The following MAF variants were observed in gnomAD, a reference collection of about 807,000 sequenced individuals.
MAF encodes transcription factor Maf.
MAF carries 10 observed loss-of-function variants against 22.0 expected under a neutral mutation model. That is an observed-to-expected ratio of 0.45 (90% CI 0.28 to 0.77). The LOEUF (loss-of-function observed/expected upper bound fraction) is 0.77. MAF is among the 30% of genes least tolerant of loss of function. The probability of loss-of-function intolerance (pLI) is 0.12; values close to 1 mark genes in which losing one functional copy is unlikely to be tolerated. For synonymous variants in MAF, 337 were observed against 255.8 expected, an observed-to-expected ratio of 1.32 and a Z score of -3.03; for missense variants, 544 against 548.4, an observed-to-expected ratio of 0.99 and a Z score of 0.08.
the MAF span, among the ~76,000 whole-genome samples, chr16:79,433,961 T>C: frequency 6.6e-6 from 1 of 152,166 alleles, no homozygotes; most frequent in Non-Finnish European, 1.5e-5. Flanking sequence ...TCCCTTTTCT[T>C]CTTCTACCAG....
At chr16:79,346,181 C>G in the MAF span, among the ~76,000 whole-genome samples, 2 of 139,514 alleles carry the variant, frequency 1.4e-5, no homozygotes, top group Non-Finnish European at 3.1e-5. Context: ...CTCCCCGCTC[C>G]CCCCACCCCA....
At chr16:79,483,383 G>A in the MAF span, among the ~76,000 whole-genome samples, 1 of 149,568 alleles carries the variant, frequency 6.7e-6, no homozygotes, top group South Asian at 2.2e-4. Flanking sequence ...GAACAGGACA[G>A]CAAAGGAAAG....
chr16:79,371,777 G>T, the MAF span, among the ~76,000 whole-genome samples: 1 of 152,222 alleles, frequency 6.6e-6, no homozygotes, highest in African/African-American at 2.4e-5. Context: ...GTTCAGACTA[G>T]AATGTTCTAA....
chr16:79,207,149 C>A, the MAF span, among the ~76,000 whole-genome samples: 1 of 152,304 alleles, frequency 6.6e-6, no homozygotes, highest in Non-Finnish European at 1.5e-5. Flanking sequence ...GGGCTCACCC[C>A]CTCATCTCCA....
chr16:79,319,251 C>A, the MAF span, among the ~76,000 whole-genome samples: 4 of 152,208 alleles, frequency 2.6e-5, no homozygotes, highest in East Asian at 1.9e-4. Context: ...ACTAAGCCCT[C>A]GAGAAAGAAA....
the MAF span, among the ~76,000 whole-genome samples, chr16:79,562,303 G>T: frequency 1.3e-5 from 2 of 152,132 alleles, no homozygotes; most frequent in African/African-American, 4.8e-5. Flanking sequence ...CATGGACAAG[G>T]TTTGTTTTGT....
chr16:79,488,093 C>T, the MAF span, among the ~76,000 whole-genome samples: 1 of 152,170 alleles, frequency 6.6e-6, no homozygotes, highest in African/African-American at 2.4e-5. Flanking sequence ...CCCTGGAGAC[C>T]TGGAGTGACG....
the MAF span, among the ~76,000 whole-genome samples, chr16:79,333,034 C>T: frequency 1.2e-4 from 18 of 152,324 alleles, no homozygotes; most frequent in African/African-American, 4.3e-4. Context: ...TCCCCCAGTG[C>T]TAGGTGGATG....
At chr16:79,467,587 G>A in the MAF span, among the ~76,000 whole-genome samples, 4 of 152,160 alleles carry the variant, frequency 2.6e-5, no homozygotes, top group Non-Finnish European at 5.9e-5. Context: ...CTCCAAGTCA[G>A]TGGTTCTCAG....
the MAF span, among the ~76,000 whole-genome samples, chr16:79,519,504 G>A: frequency 1.2e-4 from 19 of 152,178 alleles, no homozygotes; most frequent in East Asian, 1.3e-3. Flanking sequence ...CTTCAAGCAC[G>A]AAGCAGCATG....
At chr16:79,419,773 C>G in the MAF span, among the ~76,000 whole-genome samples, 2 of 152,170 alleles carry the variant, frequency 1.3e-5, no homozygotes, top group African/African-American at 4.8e-5. Flanking sequence ...TATACCTAAT[C>G]AAGAGTGCAG....
the MAF span, among the ~76,000 whole-genome samples, chr16:79,353,849 T>C: frequency 6.6e-6 from 1 of 152,194 alleles, no homozygotes; most frequent in Non-Finnish European, 1.5e-5. Flanking sequence ...TGGATGGGAA[T>C]GATCATCGTT....
At chr16:79,578,452 C>G in the MAF span, among the ~76,000 whole-genome samples, 2 of 151,994 alleles carry the variant, frequency 1.3e-5, no homozygotes, top group African/African-American at 4.8e-5. Context: ...CACGATGTAT[C>G]ATTTTTCAAA....
At chr16:79,370,578 G>C in the MAF span, among the ~76,000 whole-genome samples, 1 of 152,218 alleles carries the variant, frequency 6.6e-6, no homozygotes, top group Non-Finnish European at 1.5e-5. Flanking sequence ...TGCAGAGGCA[G>C]AGAAAAGCAG....
the MAF span, among the ~76,000 whole-genome samples, chr16:79,287,381 C>T: frequency 3.0e-4 from 45 of 152,336 alleles, 1 homozygote; most frequent in Middle Eastern, 6.8e-3. Flanking sequence ...AGCCCCTTCC[C>T]GGTGAGGCGG....
chr16:79,422,650 C>G, the MAF span, among the ~76,000 whole-genome samples: 1 of 152,086 alleles, frequency 6.6e-6, no homozygotes, highest in African/African-American at 2.4e-5. Flanking sequence ...TATTCATATC[C>G]CCATTCCTTT....
At chr16:79,259,723 G>C in the MAF span, among the ~76,000 whole-genome samples, 1 of 152,310 alleles carries the variant, frequency 6.6e-6, no homozygotes, top group East Asian at 1.9e-4. Flanking sequence ...AGGACTGCTG[G>C]TCATCCTAGC....
the MAF span, among the ~76,000 whole-genome samples, chr16:79,305,093 C>T: frequency 6.6e-6 from 1 of 152,208 alleles, no homozygotes; most frequent in Non-Finnish European, 1.5e-5. Flanking sequence ...AGCTAATATC[C>T]ATTTCGGCTT....
At chr16:79,389,912 G>C in the MAF span, among the ~76,000 whole-genome samples, 1,751 of 134,956 alleles carry the variant, frequency 0.013, 32 homozygotes, top group African/African-American at 0.045. Context: ...GGAGGCGGAG[G>C]TTGCAGTGAG....
Sources: gnomAD v4.1 joint callset for allele counts (sites outside exome capture counted in the v4.1 genomes callset) on GRCh38, gnomAD v4.1.1 for gene constraint, MANE v1.5 for transcripts, NCBI Gene and HGNC (gene_info 2026-07-23, HGNC 2026-07-21) for gene names.